The following PTPA variants were observed in gnomAD, a reference collection of about 807,000 sequenced individuals.
PTPA encodes the protein protein phosphatase 2 phosphatase activator.
A neutral mutation model predicts 43.6 loss-of-function variants in PTPA; 13 were observed. The observed-to-expected ratio is 0.30, with a 90% confidence interval of 0.19 to 0.47. The LOEUF (loss-of-function observed/expected upper bound fraction) is 0.47, where lower values mean the gene tolerates loss of function less well. Ranked by LOEUF, PTPA falls within the 20% of genes least tolerant of loss-of-function variation. The pLI is 0.99. For synonymous variants in PTPA, 172 were observed against 158.2 expected (o/e 1.09, Z -0.66); for missense variants, 329 against 411.9 (o/e 0.80, Z 1.74).
intron 1 of PTPA, among the ~76,000 whole-genome samples, chr9:129,112,970 T>C (rs1220486502): frequency 6.6e-6 from 1 of 151,482 alleles, no homozygotes; most frequent in Admixed American, 6.6e-5. Flanking sequence ...GGGTGTCCAC[T>C]CTTTTGGCTT....
chr9:129,110,999 C>A (rs1394042383), upstream of PTPA: 12 of 1,371,236 alleles, frequency 8.8e-6, no homozygotes, highest in Non-Finnish European at 9.8e-6. The surrounding 1 kb of genome is among the most constrained non-coding windows in gnomAD (Gnocchi z 5.3). Flanking sequence ...AGCTGTCTCT[C>A]CCCTGTCCCC....
Position 129,147,623 on chromosome 9 carries a change from C to A in PTPA, c.*159C>A. 2.6e-6 allele frequency: 2 copies of A among 761,412 alleles called. No homozygotes were observed. The highest frequency in any genetic ancestry group is 4.2e-6 in the Non-Finnish European group (2 of 479,458). 47.2% of individuals were successfully genotyped at this position (761,412 alleles called of 1,614,324 possible). On this transcript the variant is annotated 3_prime_UTR_variant, in exon 10 of 10. Transcript: ENST00000393370. ...GAGATGGGCTTGAGGGGGCTCAGAGCATAAGGCTTCAGGGCCCAAGTTGGG... is the reference window on the plus strand; with the variant it reads ...GAGATGGGCTTGAGGGGGCTCAGAGAATAAGGCTTCAGGGCCCAAGTTGGG...
intron 6 of PTPA, 28 bp from the exon 7 acceptor site, chr9:129,136,443 C>T: frequency 3.8e-6 from 6 of 1,589,026 alleles, no homozygotes; most frequent in Non-Finnish European, 3.4e-6. Flanking sequence ...CTTTTTGCTA[C>T]CTTCCCTTTC....
chr9:129,123,193 A>C (rs1467144308), intron 3 of PTPA, 55 bp downstream of exon 3: 1 of 1,474,884 alleles, frequency 6.8e-7, no homozygotes, highest in Non-Finnish European at 9.4e-7. Context: ...CTCCAGAGTC[A>C]CTGGGTGCGG....
chr9:129,144,598 G>T (rs1168162096), intron 9 of PTPA, among the ~76,000 whole-genome samples: 1 of 151,972 alleles, frequency 6.6e-6, no homozygotes, highest in African/African-American at 2.4e-5. Flanking sequence ...AATTAGCCGG[G>T]CGTGGTGGCG....
intron 9 of PTPA, chr9:129,142,848 TC>T: frequency 6.5e-7 from 1 of 1,529,904 alleles, no homozygotes; most frequent in Non-Finnish European, 8.7e-7. Flanking sequence ...GATGGGGGCC[TC>T]CCTTCTCCTT....
intron 7 of PTPA, 139 bp from the exon 8 acceptor site, chr9:129,137,453 C>A (rs911126503): frequency 1.1e-5 from 7 of 640,590 alleles, no homozygotes; most frequent in Non-Finnish European, 2.0e-5. Flanking sequence ...CCCAGAGTTA[C>A]TTATTGCTCC....
At chr9:129,137,532 G>T in intron 7 of PTPA, 60 bp from the exon 8 acceptor site, 2 of 1,389,690 alleles carry the variant, frequency 1.4e-6, no homozygotes, top group East Asian at 2.4e-5. Context: ...CTGCTGGGCC[G>T]GGTTGCCCAG....
intron 1 of PTPA, among the ~76,000 whole-genome samples, chr9:129,113,899 G>C (rs1482634906): frequency 2.0e-5 from 3 of 152,182 alleles, no homozygotes; most frequent in African/African-American, 7.2e-5. Flanking sequence ...TGGGAGGAGA[G>C]AGAACCTGTG....
intron 4 of PTPA, among the ~76,000 whole-genome samples, chr9:129,130,896 A>G (rs1057223482): frequency 2.0e-5 from 3 of 151,896 alleles, no homozygotes; most frequent in Admixed American, 6.6e-5. Flanking sequence ...CCATAAATTG[A>G]TTTTTTTCCA....
At chr9:129,135,121 G>A (rs1480012973) in intron 6 of PTPA, among the ~76,000 whole-genome samples, 1 of 152,126 alleles carries the variant, frequency 6.6e-6, no homozygotes, top group African/African-American at 2.4e-5. Flanking sequence ...TAGGCCGGGC[G>A]CGGTGGCTCA....
intron 9 of PTPA, among the ~76,000 whole-genome samples, chr9:129,145,494 C>T (rs983269600): frequency 2.6e-5 from 4 of 152,268 alleles, no homozygotes; most frequent in African/African-American, 9.6e-5. Flanking sequence ...CAGTTCTTAG[C>T]CCCTAAGGAG....
rs1003841617 is a variant in PTPA, at chr9:129,147,686, G to A, written c.*222G>A. 11 of 546,770 alleles carry A rather than the reference G, an allele frequency of 2.0e-5. No homozygotes were observed. The highest frequency in any genetic ancestry group is 1.5e-4 in the African/African-American group (8 of 52,562). The allele number at this position is 546,770 out of a possible 1,614,324, so 33.9% of individuals were successfully genotyped here. A position where few individuals can be genotyped will look rare whatever the true frequency, so the allele number is the denominator to read the frequency against. ...AGTGTAGCCAGTTTTCTGAGTTCCC[G>A]TGTGCTAGACTGGCCAGAAGAGAGG... is the stretch of plus-strand genomic sequence containing the variant. On this transcript the variant is annotated 3_prime_UTR_variant, in exon 10 of 10. Transcript: ENST00000393370.
chr9:129,128,087 A>T, intron 3 of PTPA: 1 of 1,307,326 alleles, frequency 7.6e-7, no homozygotes, highest in Non-Finnish European at 1.0e-6. Flanking sequence ...CATCAGCCCC[A>T]TTTTTTAGAC....
chr9:129,121,484 C>A (rs183115410), intron 2 of PTPA, among the ~76,000 whole-genome samples: 1 of 152,330 alleles, frequency 6.6e-6, no homozygotes, highest in East Asian at 1.9e-4. Flanking sequence ...GCCTAGGGGG[C>A]AGCTTGGTCC....
At chr9:129,146,233 C>T (rs1032107741) in intron 9 of PTPA, among the ~76,000 whole-genome samples, 15 of 152,184 alleles carry the variant, frequency 9.9e-5, no homozygotes, top group Non-Finnish European at 8.8e-5. Flanking sequence ...TCCCTGCTCC[C>T]GCATTCTGTG....
intron 8 of PTPA, 37 bp downstream of exon 8, chr9:129,137,729 C>G (rs550932260): frequency 1.3e-6 from 2 of 1,519,446 alleles, no homozygotes; most frequent in East Asian, 2.3e-5. Flanking sequence ...CCATGGCTGC[C>G]TCCAGGCTCA....
chr9:129,142,588 G>A (rs998481493), intron 9 of PTPA, 36 bp downstream of exon 9: 1 of 1,612,642 alleles, frequency 6.2e-7, no homozygotes, highest in Non-Finnish European at 8.5e-7. Context: ...CGTCCCTGCT[G>A]CCGCACTTGG....
chr9:129,147,851 C>T lies in PTPA; in HGVS notation c.*387C>T, dbSNP rs1160045980. The T allele has an allele frequency of 9.5e-6, 2 of 211,348 alleles. No individual in the cohort carries two copies. Among genetic ancestry groups the T allele is most frequent in the Admixed American group, 5.3e-5 (1 of 18,750 alleles). 13.1% of individuals were successfully genotyped at this position (211,348 alleles called of 1,614,324 possible). A position where few individuals can be genotyped will look rare whatever the true frequency, so the allele number is the denominator to read the frequency against. On this transcript the variant is annotated 3_prime_UTR_variant, in exon 10 of 10. Coordinates refer to ENST00000393370, the MANE Select transcript of PTPA (RefSeq NM_178000.3). ...GGAGAGATACCTGCTGCTTCCATTG[C>T]TTTTCCCTTCCTGGAGTCGATGCCT...
Sources: gnomAD v4.1 joint callset for allele counts (sites outside exome capture counted in the v4.1 genomes callset) on GRCh38, gnomAD v4.1.1 for gene constraint, Gnocchi (gnomAD v3.1) non-coding constraint, MANE v1.5 for transcripts, NCBI Gene and HGNC (gene_info 2026-07-23, HGNC 2026-07-21) for gene names.